CEBPZ: variants seen among roughly 807,000 people sequenced by gnomAD.
CEBPZ encodes the protein CCAAT/enhancer-binding protein zeta.
In CEBPZ, 78 loss-of-function variants were observed where a neutral mutation model predicts 104.5. The observed-to-expected ratio is 0.75, with a 90% CI of 0.62 to 0.90. CEBPZ has a LOEUF of 0.90. Among genes scored for constraint, CEBPZ ranks in the 40% least tolerant of loss-of-function variants. The pLI is 0.00. For synonymous variants in CEBPZ, 470 were observed against 427.0 expected (o/e 1.10, Z -1.24); for missense variants, 1,439 against 1,233.5 (o/e 1.17, Z -2.50).
intron 4 of CEBPZ, 35 bp downstream of exon 4, chr2:37,222,345 A>AC: frequency 2.7e-6 from 4 of 1,472,158 alleles, no homozygotes; most frequent in Non-Finnish European, 3.7e-6. Flanking sequence ...AAAGAGAAAC[A>AC]AACTCCCTAG....
In CEBPZ at chr2:37,228,216, C is replaced by T. The variant is rs1553352512; in HGVS notation, c.977G>A (p.Arg326Lys). The change falls in exon 2 of 16, where the codon AGA becomes AAA. Residue 326 changes from arginine to lysine, a missense_variant. Coordinates refer to ENST00000234170, the MANE Select transcript of CEBPZ (RefSeq NM_005760.3). ...EQLSSGNKDS[R>K]DRRLILWYFE... The stretch of plus-strand genomic sequence containing the variant: ...ATACCATAATATCAGTCTTCTATCT[C>T]TTGAGTCCTTGTTGCCACTGGACAA... 6.2e-7 allele frequency: 1 copy of T among 1,614,208 alleles called. No individual in the cohort carries two copies. Among genetic ancestry groups the T allele is most frequent in the Admixed American group, 1.7e-5 (1 of 60,026 alleles).
At chr2:37,221,976 C>G (rs1664780302) in intron 4 of CEBPZ, among the ~76,000 whole-genome samples, 1 of 152,128 alleles carries the variant, frequency 6.6e-6, no homozygotes, top group Non-Finnish European at 1.5e-5. Context: ...TTTTCTATCC[C>G]TAAAACATTA....
intron 5 of CEBPZ, 110 bp downstream of exon 5, chr2:37,220,275 C>G (rs1312223811): frequency 3.5e-6 from 1 of 283,948 alleles, no homozygotes; most frequent in East Asian, 6.6e-5. Flanking sequence ...CACAATCATG[C>G]CACTGCACTC....
rs940281001 is a variant in CEBPZ, at chr2:37,227,690, A to G, written c.1503T>C (p.Asp501=). 2 of 1,614,228 alleles carry G rather than the reference A, an allele frequency of 1.2e-6. No homozygotes were observed. The highest frequency in any genetic ancestry group is 1.6e-4 in the Middle Eastern group (1 of 6,062). ...NRAYPYSQTG[D]DKVREQIDTL... ...TGTCAATCTGCTCCCTTACTTTGTCATCACCAGTCTGGGAATAAGGGTATG... is the reference window on the plus strand; with the variant it reads ...TGTCAATCTGCTCCCTTACTTTGTCGTCACCAGTCTGGGAATAAGGGTATG... The change falls in exon 2 of 16, where the codon GAT becomes GAC. Residue 501 remains aspartate (D), a synonymous_variant. Coordinates refer to ENST00000234170, the MANE Select transcript of CEBPZ (RefSeq NM_005760.3).
chr2:37,221,828 G>C (rs1664777345), intron 4 of CEBPZ, among the ~76,000 whole-genome samples: 1 of 152,208 alleles, frequency 6.6e-6, no homozygotes, highest in South Asian at 2.1e-4. Context: ...CTCAAGGCTG[G>C]TGTTTTCTTC....
At chr2:37,213,028 C>A (rs1558471518) in intron 10 of CEBPZ, among the ~76,000 whole-genome samples, 2 of 151,952 alleles carry the variant, frequency 1.3e-5, no homozygotes, top group African/African-American at 4.8e-5. Flanking sequence ...GCCTGGGAGA[C>A]AGAGAGAGCC....
At chr2:37,229,869 T>A (rs2372887) in intron 1 of CEBPZ, among the ~76,000 whole-genome samples, 14,743 of 151,194 alleles carry the variant, frequency 0.098, 1,105 homozygotes, top group East Asian at 0.36. Context: ...AAAAAAAAAA[T>A]TTTTTTTTGA....
chr2:37,210,860 A>C, intron 13 of CEBPZ, 139 bp downstream of exon 13: 1 of 492,954 alleles, frequency 2.0e-6, no homozygotes, highest in Non-Finnish European at 3.6e-6. Flanking sequence ...AATAATTTCC[A>C]CTTAACATCT....
At chr2:37,222,269 G>T in intron 4 of CEBPZ, 111 bp downstream of exon 4, 1 of 975,422 alleles carries the variant, frequency 1.0e-6, no homozygotes, top group Non-Finnish European at 1.5e-6. Context: ...GGGCAACAGA[G>T]TGAGACTCTG....
chr2:37,220,320 A>G (rs1572505194), intron 5 of CEBPZ, 65 bp downstream of exon 5: 1 of 437,394 alleles, frequency 2.3e-6, no homozygotes. Context: ...TGTCTCAAAA[A>G]AAAAAAAAAT....
intron 1 of CEBPZ, among the ~76,000 whole-genome samples, chr2:37,230,120 G>A (rs967424936): frequency 6.6e-6 from 1 of 152,172 alleles, no homozygotes; most frequent in African/African-American, 2.4e-5. Context: ...CACAATAAAT[G>A]GCTGGTTAGA....
intron 1 of CEBPZ, among the ~76,000 whole-genome samples, chr2:37,230,356 T>C (rs1213327870): frequency 6.6e-6 from 1 of 152,208 alleles, no homozygotes; most frequent in Non-Finnish European, 1.5e-5. Context: ...TAAAATGCAG[T>C]TGTAAAAATA....
intron 13 of CEBPZ, 53 bp downstream of exon 13, chr2:37,210,946 G>A (rs1265539657): frequency 7.5e-6 from 9 of 1,197,568 alleles, no homozygotes; most frequent in Admixed American, 2.1e-5. Flanking sequence ...AAATGATAAT[G>A]ACACCTTTCA....
rs775797975 is a variant in CEBPZ at position 37,231,528 on chromosome 2, G to A, written c.40C>T (p.Arg14Trp). The A allele has an allele frequency of 3.1e-6, 5 of 1,614,212 alleles. No homozygotes were observed. The South Asian group carries it at 5.5e-5, about 18-fold the overall frequency. ...VKEPLEFHAK[R>W]PWRPEEAVED... ...ACTGCCTCCTCGGGGCGCCAAGGCC[G>A]CTTGGCATGGAACTCCAAAGGCTCC... The change falls in exon 1 of 16, where the codon CGG (arginine) becomes TGG (tryptophan). Residue 14 changes from arginine to tryptophan, a missense_variant. Arg to Trp is a moderately radical substitution (Grantham distance 101). Coordinates refer to ENST00000234170, the MANE Select transcript of CEBPZ (RefSeq NM_005760.3).
At chr2:37,226,672 C>T (rs892138057) in intron 2 of CEBPZ, among the ~76,000 whole-genome samples, 2 of 152,106 alleles carry the variant, frequency 1.3e-5, no homozygotes, top group African/African-American at 2.4e-5. Context: ...GGGACTCAAA[C>T]CCAGGCGGCG....
rs1217048734 is a variant in CEBPZ, at chr2:37,222,553, T to C, written c.1892A>G (p.Asp631Gly). ...ATTTGCATCAATAAAATTTTCTTCATCATCAGACTCCTAACAAAAGTATAG... is the reference window on the plus strand; with the variant it reads ...ATTTGCATCAATAAAATTTTCTTCACCATCAGACTCCTAACAAAAGTATAG... ...SQLDDHPESD[D>G]EENFIDANDD... The change falls in exon 4 of 16, where the codon GAT becomes GGT. Residue 631 changes from aspartate to glycine, a missense_variant. Coordinates refer to ENST00000234170, the MANE Select transcript of CEBPZ (RefSeq NM_005760.3). The C allele has an allele frequency of 6.3e-7, 1 of 1,582,426 alleles. No individual in the cohort carries two copies. The highest frequency in any genetic ancestry group is 8.5e-7 in the Non-Finnish European group (1 of 1,170,186).
chr2:37,229,061 A>G, intron 1 of CEBPZ, 25 bp from the exon 2 acceptor site: 1 of 1,452,774 alleles, frequency 6.9e-7, no homozygotes, highest in Non-Finnish European at 9.1e-7. Flanking sequence ...TAAGTTAAAA[A>G]TACATTACAA....
rs1007177840 is a variant in CEBPZ, at chr2:37,214,104, A to G, written c.2448-143T>C. On this transcript the variant is annotated intron_variant, in intron 9 of 15. Transcript: ENST00000234170. ...TTGGAAATAAATGACTGAAATTTGTATCTAATATACAAAAAATAGTTTAAC... is the reference window on the plus strand; with the variant it reads ...TTGGAAATAAATGACTGAAATTTGTGTCTAATATACAAAAAATAGTTTAAC... The G allele has an allele frequency of 1.1e-4, 51 of 483,264 alleles. No individual in the cohort carries two copies. In the Middle Eastern group the frequency reaches 1.6e-3, roughly 15 times the overall value. The allele number at this position is 483,264 out of a possible 1,614,324, so 29.9% of individuals were successfully genotyped here.
chr2:37,212,425 A>G (rs367775267), intron 10 of CEBPZ, 33 bp from the exon 11 acceptor site: 674 of 1,545,156 alleles, frequency 4.4e-4, no homozygotes, highest in Non-Finnish European at 5.8e-4. Flanking sequence ...GAGATACAAC[A>G]AAGAATGACA....
Sources: gnomAD v4.1 joint callset for allele counts (sites outside exome capture counted in the v4.1 genomes callset) on GRCh38, gnomAD v4.1.1 for gene constraint, MANE v1.5 for transcripts, NCBI Gene and HGNC (gene_info 2026-07-23, HGNC 2026-07-21) for gene names.